KLHL29: variants seen among roughly 807,000 people sequenced by gnomAD.
KLHL29 encodes kelch-like protein 29.
Under a neutral mutation model 80.4 loss-of-function variants are expected in KLHL29, and 21 were observed. The observed-to-expected ratio is 0.26, with a 90% CI of 0.19 to 0.38. The LOEUF is 0.38. KLHL29 is among the 10% of genes least tolerant of loss of function. The pLI is 1.00. For missense variants in KLHL29, 867 were observed against 1,223.9 expected (o/e 0.71, Z 4.35); for synonymous variants, 511 against 526.8 (o/e 0.97, Z 0.41).
At chr2:23,529,879 C>T (rs1666440307) in intron 2 of KLHL29, among the ~76,000 whole-genome samples, 1 of 152,158 alleles carries the variant, frequency 6.6e-6, no homozygotes, top group African/African-American at 2.4e-5. Context: ...GTTGCAGTAT[C>T]GAGGACTGAG....
rs561543517 is a variant in KLHL29, at chr2:23,525,550, C to A, written c.-45-36602C>A. ...CGTGACCAGCAGCCAAGGGACAGTT[C>A]CTTCTGGCCAGGCAGTGGGATGGAG... On this transcript the variant is annotated intron_variant, in intron 2 of 13. Transcript: ENST00000486442. Among the ~76,000 whole-genome samples, 5 of 152,330 alleles carry A rather than the reference C, an allele frequency of 3.3e-5. No homozygotes were observed. The East Asian group carries it at 9.6e-4, about 29-fold the overall frequency.
intron 5 of KLHL29, among the ~76,000 whole-genome samples, chr2:23,675,506 G>A (rs998088900): frequency 1.1e-4 from 16 of 152,312 alleles, no homozygotes; most frequent in African/African-American, 3.8e-4. Context: ...TCTGTTCTTG[G>A]TTTTTGTTTG....
At chr2:23,405,435 A>G (rs1666700145) in intron 1 of KLHL29, among the ~76,000 whole-genome samples, 1 of 152,238 alleles carries the variant, frequency 6.6e-6, no homozygotes, top group African/African-American at 2.4e-5. Flanking sequence ...GAAAGATGTA[A>G]TCCCTGAATA....
intron 3 of KLHL29, among the ~76,000 whole-genome samples, chr2:23,599,795 A>AT (rs1339786331): frequency 6.6e-6 from 1 of 152,174 alleles, no homozygotes; most frequent in Non-Finnish European, 1.5e-5. Flanking sequence ...AGGAAACATG[A>AT]TCCCAGCTTC....
intron 3 of KLHL29, among the ~76,000 whole-genome samples, chr2:23,577,511 C>A (rs1359662145): frequency 6.6e-6 from 1 of 151,866 alleles, no homozygotes; most frequent in Non-Finnish European, 1.5e-5. Context: ...CTTCGGGAGG[C>A]TGAGGCGGGT....
At position 23,503,088 on chromosome 2, in the gene KLHL29, C is replaced by T. The variant is rs1278179139; in HGVS notation, c.-46+27421C>T. Among the ~76,000 whole-genome samples, 3 of 152,096 alleles carry T rather than the reference C, an allele frequency of 2.0e-5. No homozygotes were observed. Among genetic ancestry groups the T allele is most frequent in the African/African-American group, 7.2e-5 (3 of 41,396 alleles). ...GAATAGATGTGTTTTGTTTGAATGT[C>T]GTAGTTGTGCCCTTTGTAAAATTAC... On this transcript the variant is annotated intron_variant, in intron 2 of 13. Coordinates refer to ENST00000486442, the MANE Select transcript of KLHL29 (RefSeq NM_052920.2). The surrounding 1 kb of genome is among the most constrained non-coding windows in gnomAD (Gnocchi z 4.0).
intron 3 of KLHL29, among the ~76,000 whole-genome samples, chr2:23,610,044 C>A (rs1668820995): frequency 6.6e-6 from 1 of 152,158 alleles, no homozygotes; most frequent in Non-Finnish European, 1.5e-5. Flanking sequence ...CCCTGACAGT[C>A]CCTCAGGGAT....
At chr2:23,516,448 G>A (rs187507997) in intron 2 of KLHL29, among the ~76,000 whole-genome samples, 211 of 152,110 alleles carry the variant, frequency 1.4e-3, no homozygotes, top group East Asian at 2.3e-3. Flanking sequence ...CCCCAGCACC[G>A]AGAAACAAAC....
chr2:23,559,571 A>G (rs1667392308), intron 2 of KLHL29, among the ~76,000 whole-genome samples: 1 of 152,150 alleles, frequency 6.6e-6, no homozygotes. Context: ...GCTGTCGAAC[A>G]GGGGAATGGA....
chr2:23,642,217 C>T, intron 4 of KLHL29, 121 bp from the exon 5 acceptor site: 1 of 931,074 alleles, frequency 1.1e-6, no homozygotes, highest in Non-Finnish European at 1.5e-6. Context: ...TCGGTCAGTT[C>T]CTGGACGCAG....
At chr2:23,488,660 T>G (rs1665001724) in intron 2 of KLHL29, among the ~76,000 whole-genome samples, 1 of 152,206 alleles carries the variant, frequency 6.6e-6, no homozygotes, top group Non-Finnish European at 1.5e-5. Flanking sequence ...AAAGGACACA[T>G]TAAGACATCA....
intron 2 of KLHL29, among the ~76,000 whole-genome samples, chr2:23,493,200 C>T (rs543343477): frequency 3.9e-5 from 6 of 152,260 alleles, no homozygotes; most frequent in Non-Finnish European, 7.3e-5. Context: ...ATTGCCCTTT[C>T]CTGTTAGCAC....
At chr2:23,670,910 T>TGCGCGCGCGCGC (rs1324744035) in intron 5 of KLHL29, among the ~76,000 whole-genome samples, 2 of 17,436 alleles carry the variant, frequency 1.1e-4, no homozygotes, top group Non-Finnish European at 4.4e-4. Flanking sequence ...TCTACACACA[T>TGCGCGCGCGCGC]GCACGCGCTC....
At position 23,682,360 on chromosome 2, in the gene KLHL29, G is replaced by A. The variant is rs780241883; in HGVS notation, c.941-2039G>A. Among the ~76,000 whole-genome samples the A allele has an allele frequency of 9.2e-5, 14 of 152,278 alleles. No homozygotes were observed. The highest frequency in any genetic ancestry group is 6.8e-3 in the Middle Eastern group (2 of 294). On this transcript the variant is annotated intron_variant, in intron 5 of 13. Coordinates refer to ENST00000486442, the MANE Select transcript of KLHL29 (RefSeq NM_052920.2). The surrounding 1 kb of genome is among the most constrained non-coding windows in gnomAD (Gnocchi z 4.1). ...GTGGGTCCCCTTTCCCAAGGTCACAGAGCTGATAGGAGGCCCAGTGCAGGT... is the reference window on the plus strand; with the variant it reads ...GTGGGTCCCCTTTCCCAAGGTCACAAAGCTGATAGGAGGCCCAGTGCAGGT...
chr2:23,490,965 T>A (rs958255352), intron 2 of KLHL29, among the ~76,000 whole-genome samples: 25 of 152,112 alleles, frequency 1.6e-4, no homozygotes, highest in Non-Finnish European at 3.1e-4. Context: ...GATTTTTTTT[T>A]ATTTTACTTT....
intron 3 of KLHL29, among the ~76,000 whole-genome samples, chr2:23,578,182 G>A (rs1275609624): frequency 6.6e-6 from 1 of 152,192 alleles, no homozygotes; most frequent in Non-Finnish European, 1.5e-5. Context: ...TTCTCTGCAT[G>A]CAGGTGAAAC....
intron 1 of KLHL29, among the ~76,000 whole-genome samples, chr2:23,387,960 TCTC>T (rs1299211972): frequency 6.6e-6 from 1 of 152,200 alleles, no homozygotes; most frequent in Non-Finnish European, 1.5e-5. Flanking sequence ...AACATTTTCT[TCTC>T]CTCGGTCTCT....
intron 11 of KLHL29, among the ~76,000 whole-genome samples, chr2:23,698,618 T>C (rs2149217847): frequency 6.6e-6 from 1 of 152,330 alleles, no homozygotes; most frequent in Admixed American, 6.5e-5. Context: ...TATATAATTA[T>C]AGATTAAGAC....
At chr2:23,650,229 G>T (rs1670052920) in intron 5 of KLHL29, among the ~76,000 whole-genome samples, 1 of 152,354 alleles carries the variant, frequency 6.6e-6, no homozygotes. Context: ...TCAGGTTAGA[G>T]CCTGCAGGAA....
Sources: gnomAD v4.1 joint callset for allele counts (sites outside exome capture counted in the v4.1 genomes callset) on GRCh38, gnomAD v4.1.1 for gene constraint, Gnocchi (gnomAD v3.1) non-coding constraint, MANE v1.5 for transcripts, NCBI Gene and HGNC (gene_info 2026-07-23, HGNC 2026-07-21) for gene names.